Variants in PDE4D observed in about 807,000 individuals in gnomAD.
PDE4D encodes the protein phosphodiesterase 4D.
PDE4D carries 24 observed loss-of-function variants against 87.4 expected under a neutral mutation model. That is an observed-to-expected ratio of 0.27 (90% CI 0.20 to 0.39). The LOEUF is 0.39. Ranked by LOEUF, PDE4D falls within the 10% of genes least tolerant of loss-of-function variation. PDE4D has a pLI of 1.00. For missense variants in PDE4D, 714 were observed against 1,041.0 expected (o/e 0.69, Z 4.32); for synonymous variants, 384 against 383.2 (o/e 1.00, Z -0.02).
rs1554053130 is a variant in PDE4D at position 59,652,530 on chromosome 5, A to G, written c.455+240638T>C. ...CTAAGAGAATTTGTCCCTGCAAAATATACGAAACTTTCACAGCTAATATTG... is the reference window on the plus strand; with the variant it reads ...CTAAGAGAATTTGTCCCTGCAAAATGTACGAAACTTTCACAGCTAATATTG... On this transcript the variant is annotated intron_variant, in intron 1 of 14. Coordinates refer to ENST00000340635, the MANE Select transcript of PDE4D (RefSeq NM_001104631.2). Among the ~76,000 whole-genome samples, 18 of 152,206 alleles carry G rather than the reference A, an allele frequency of 1.2e-4. 1 individual carries two copies. The highest frequency in any genetic ancestry group is 2.9e-5 in the Non-Finnish European group (2 of 68,038).
At chr5:60,201,969 A>C (rs1741966905) in intron 1 of PDE4D, among the ~76,000 whole-genome samples, 1 of 152,220 alleles carries the variant, frequency 6.6e-6, no homozygotes, top group Non-Finnish European at 1.5e-5. Context: ...TGGGAAAATA[A>C]GCCTTAAGAC....
intron 1 of PDE4D, among the ~76,000 whole-genome samples, chr5:59,787,892 A>G (rs1461123807): frequency 6.6e-6 from 1 of 152,214 alleles, no homozygotes; most frequent in African/African-American, 2.4e-5. Flanking sequence ...GTTAAAAGGT[A>G]AGAGACACAT....
chr5:59,971,129 T>C (rs944082270), intron 3 of PDE4D, among the ~76,000 whole-genome samples: 3 of 146,250 alleles, frequency 2.1e-5, no homozygotes, highest in African/African-American at 2.5e-5. Flanking sequence ...ACACCGCATA[T>C]TCTCACTTAT....
intron 1 of PDE4D, among the ~76,000 whole-genome samples, chr5:59,301,997 G>T (rs1770352450): frequency 6.6e-6 from 1 of 152,136 alleles, no homozygotes; most frequent in Non-Finnish European, 1.5e-5. Flanking sequence ...GCGGAGTTTG[G>T]CCTTCCTTCG....
chr5:60,421,263 C>T (rs1030800550), intron 1 of PDE4D, among the ~76,000 whole-genome samples: 2 of 152,362 alleles, frequency 1.3e-5, no homozygotes, highest in South Asian at 4.1e-4. Context: ...CATAGCTTAA[C>T]TGGGAGACAC....
intron 5 of PDE4D, among the ~76,000 whole-genome samples, chr5:59,178,574 T>C (rs1176737973): frequency 3.9e-5 from 6 of 152,150 alleles, no homozygotes; most frequent in African/African-American, 1.4e-4. Context: ...TGAGTGTAGC[T>C]ACTCTCTCCT....
chr5:59,699,772 C>T (rs1752296088), intron 1 of PDE4D, among the ~76,000 whole-genome samples: 1 of 151,830 alleles, frequency 6.6e-6, no homozygotes, highest in Admixed American at 6.6e-5. Context: ...CTATTTTACA[C>T]CTCTTTTTCA....
rs115149795 is a variant in PDE4D, at chr5:60,465,519, C to T, written c.-90+22423G>A. 1.8e-3 allele frequency among the ~76,000 whole-genome samples: 281 copies of T among 152,154 alleles called. 1 individual carries two copies. Among genetic ancestry groups the T allele is most frequent in the African/African-American group, 6.6e-3 (272 of 41,518 alleles). On this transcript the variant is annotated intron_variant, in intron 1 of 16. Transcript: ENST00000502484. ...CAAGATTTCTGTTCCTGTTACTTAC[C>T]TCTTTTCTACTAGAAACATTAATTA...
chr5:59,658,467 T>G (rs1744730572), intron 1 of PDE4D, among the ~76,000 whole-genome samples: 1 of 152,192 alleles, frequency 6.6e-6, no homozygotes, highest in Admixed American at 6.5e-5. Context: ...CTGCAAGCTC[T>G]GCCTTCTGGG....
intron 2 of PDE4D, among the ~76,000 whole-genome samples, chr5:60,100,721 G>A (rs10514887): frequency 0.2 from 29,973 of 151,948 alleles, 3,349 homozygotes; most frequent in African/African-American, 0.31. Context: ...GATTCTGCTG[G>A]AAGGTTATAT....
chr5:59,814,159 C>A (rs566367016), intron 1 of PDE4D, among the ~76,000 whole-genome samples: 1 of 152,166 alleles, frequency 6.6e-6, no homozygotes, highest in South Asian at 2.1e-4. Flanking sequence ...CACTAGGGGG[C>A]GGCAAACGAT....
chr5:60,118,887 T>G (rs569919427), intron 2 of PDE4D, among the ~76,000 whole-genome samples: 1 of 152,154 alleles, frequency 6.6e-6, no homozygotes, highest in South Asian at 2.1e-4. Flanking sequence ...TATTATAACA[T>G]GTTTCCCCAA....
At chr5:59,200,310 G>T (rs1256402124) in intron 2 of PDE4D, among the ~76,000 whole-genome samples, 2 of 126,440 alleles carry the variant, frequency 1.6e-5, no homozygotes, top group Admixed American at 7.4e-5. Context: ...TGTATGTACA[G>T]CTACACGTAT....
At chr5:59,864,198 C>G (rs1400819309) in intron 1 of PDE4D, among the ~76,000 whole-genome samples, 2 of 152,062 alleles carry the variant, frequency 1.3e-5, no homozygotes, top group African/African-American at 4.8e-5. Context: ...CCCTTGGAGT[C>G]CAGGGGATGC....
intron 2 of PDE4D, among the ~76,000 whole-genome samples, chr5:60,123,697 A>C (rs1375458511): frequency 1.3e-5 from 2 of 152,162 alleles, no homozygotes; most frequent in Admixed American, 1.3e-4. Flanking sequence ...GAAAGAAGGA[A>C]CAGATGTTAA....
chr5:59,390,316 T>C (rs403672), intron 1 of PDE4D, among the ~76,000 whole-genome samples: 37,726 of 152,042 alleles, frequency 0.25, 5,013 homozygotes, highest in East Asian at 0.39. Flanking sequence ...TTCTAAAGTG[T>C]TCTCTTCCCT....
At position 59,225,805 on chromosome 5, in the gene PDE4D, C is replaced by A. The variant is rs575052530; in HGVS notation, c.456-9837G>T. Among the ~76,000 whole-genome samples the A allele has an allele frequency of 5.4e-4, 82 of 150,680 alleles. 1 individual carries two copies. The highest frequency in any genetic ancestry group is 2.0e-3 in the African/African-American group (80 of 40,894). On this transcript the variant is annotated intron_variant, in intron 1 of 14. Transcript: ENST00000340635. ...TCCTACAACTCAATAGCAAAACCCC[C>A]CCAAAACCCAATTGAAACCCCTCAA...
intron 1 of PDE4D, among the ~76,000 whole-genome samples, chr5:59,255,118 A>G (rs1223791305): frequency 6.6e-6 from 1 of 152,152 alleles, no homozygotes; most frequent in Non-Finnish European, 1.5e-5. Context: ...ATAAATGTTC[A>G]TTGCAGCACA....
At chr5:60,456,216 G>A (rs1430269453) in intron 1 of PDE4D, among the ~76,000 whole-genome samples, 2 of 152,158 alleles carry the variant, frequency 1.3e-5, no homozygotes, top group East Asian at 1.9e-4. Flanking sequence ...AAGTGGTTTA[G>A]AAGAGGGAAT....
Sources: gnomAD v4.1 joint callset for allele counts (sites outside exome capture counted in the v4.1 genomes callset) on GRCh38, gnomAD v4.1.1 for gene constraint, MANE v1.5 for transcripts, NCBI Gene and HGNC (gene_info 2026-07-23, HGNC 2026-07-21) for gene names.